The following AARS1 variants were observed in gnomAD, a reference collection of about 807,000 sequenced individuals.
AARS1 encodes alanyl-tRNA synthetase 1, also known as alanine--tRNA ligase, cytoplasmic.
AARS1 carries 72 observed loss-of-function variants against 108.9 expected under a neutral mutation model. That is an observed-to-expected ratio of 0.66 (90% confidence interval 0.55 to 0.80). AARS1 has a LOEUF of 0.80. Ranked by LOEUF, AARS1 falls within the 30% of genes least tolerant of loss-of-function variation. The probability of loss-of-function intolerance (pLI) is 0.00; values close to 1 mark genes in which losing one functional copy is unlikely to be tolerated. For synonymous variants in AARS1, 489 were observed against 465.7 expected (o/e 1.05, Z -0.64); for missense variants, 1,193 against 1,233.2 (o/e 0.97, Z 0.49).
In AARS1 at chr16:70,264,468, C is replaced by T. The variant is rs146173811; in HGVS notation, c.1492+490G>A. Among the ~76,000 whole-genome samples the T allele has an allele frequency of 1.0e-3, 156 of 151,986 alleles. 5 individuals are homozygous for T. The East Asian group carries it at 0.023, about 23-fold the overall frequency. On this transcript the variant is annotated intron_variant, in intron 11 of 20. Transcript: ENST00000261772. ...AGTAGCTGGGATTACAGGGGCACGC[C>T]ACCACGCCCGGCTAATTTCCGTATT...
chr16:70,262,784 C>T (rs900879491), intron 11 of AARS1, among the ~76,000 whole-genome samples: 15 of 151,740 alleles, frequency 9.9e-5, no homozygotes, highest in East Asian at 1.9e-4. Context: ...CTGGCTAACA[C>T]GCTGAAACCC....
chr16:70,255,579 G>C, intron 16 of AARS1, 149 bp downstream of exon 16: 1 of 723,270 alleles, frequency 1.4e-6, no homozygotes, highest in Non-Finnish European at 2.5e-6. Context: ...GCCACTCAGG[G>C]GTAGGACACT....
At chr16:70,259,795 G>C (rs1018415619) in intron 13 of AARS1, among the ~76,000 whole-genome samples, 2 of 150,700 alleles carry the variant, frequency 1.3e-5, no homozygotes, top group Non-Finnish European at 2.9e-5. Flanking sequence ...TTTTTTATAA[G>C]GAGTTTCGCT....
intron 1 of AARS1, 51 bp from the exon 2 acceptor site, chr16:70,282,835 G>A (rs988697607): frequency 1.9e-6 from 3 of 1,569,838 alleles, no homozygotes; most frequent in Non-Finnish European, 2.6e-6. Context: ...GAAAGTCAAA[G>A]TACACATTAC....
chr16:70,261,357 A>G, intron 12 of AARS1, 200 bp from the exon 13 acceptor site: 1 of 444,912 alleles, frequency 2.2e-6, no homozygotes, highest in Non-Finnish European at 4.3e-6. Flanking sequence ...GCACTTTGGG[A>G]GGCTCAGGTG....
chr16:70,273,476 GA>G (rs761659616), intron 4 of AARS1, among the ~76,000 whole-genome samples: 1 of 152,170 alleles, frequency 6.6e-6, no homozygotes, highest in Non-Finnish European at 1.5e-5. Flanking sequence ...CCAGCAATTT[GA>G]AAGGTCAAGG....
rs80257731 is a variant in AARS1 at position 70,265,022 on chromosome 16, C to G, written c.1428G>C (p.Arg476=). 619 of 1,614,152 alleles carry G rather than the reference C, an allele frequency of 3.8e-4. 1 individual carries two copies. Among genetic ancestry groups the G allele is most frequent in the Middle Eastern group, 2.0e-3 (12 of 6,060 alleles). The change falls in exon 11 of 21, where the codon CGG becomes CGC. Residue 476 remains arginine (R), a synonymous_variant. Transcript: ENST00000261772. ...DIYAIEELRA[R]GLEVTDDSPK... The stretch of plus-strand genomic sequence containing the variant: ...GGGAATCATCTGTGACCTCCAGACC[C>G]CGTGCCCGGAGCTCTTCGATAGCGT...
chr16:70,276,623 T>A lies in AARS1; in HGVS notation c.342A>T (p.Ala114=). 1.9e-6 allele frequency: 3 copies of A among 1,613,990 alleles called. No individual in the cohort carries two copies. In the African/African-American group the frequency reaches 4.0e-5, roughly 22 times the overall value. ...WSFGDYFKEL[A]CKMALELLTQ... is the part of the protein sequence containing the mutation. ...TGAGGAGTTCCAGAGCCATCTTACA[T>A]GCCAATTCCTACAAAAAGAACAGAG... The change falls in exon 4 of 21, where the codon GCA becomes GCT. Residue 114 remains alanine (A), a synonymous_variant. Coordinates refer to ENST00000261772, the MANE Select transcript of AARS1 (RefSeq NM_001605.3).
chr16:70,271,090 G>A (rs534292701), intron 5 of AARS1, among the ~76,000 whole-genome samples: 28 of 152,062 alleles, frequency 1.8e-4, no homozygotes, highest in Non-Finnish European at 3.4e-4. Flanking sequence ...CAGGAGAATC[G>A]CTTGAACCCA....
At chr16:70,275,405 G>T (rs1205730515) in intron 4 of AARS1, among the ~76,000 whole-genome samples, 1 of 151,726 alleles carries the variant, frequency 6.6e-6, no homozygotes, top group African/African-American at 2.4e-5. Flanking sequence ...CACGAGGTCA[G>T]GAGATCGAGA....
In AARS1 at chr16:70,264,958, C is replaced by A. The variant is rs1960227997; in HGVS notation, c.1492G>T (p.Val498Leu). The change falls in exon 11 of 21, where the codon GTA becomes TTA. Residue 498 changes from valine (V) to leucine (L), a missense_variant and splice_region_variant. By Grantham distance (32) the Val-to-Leu change is conservative (BLOSUM62 1). Coordinates refer to ENST00000261772, the MANE Select transcript of AARS1 (RefSeq NM_001605.3). ...ATGTGGAAGGAGCACAGCAACATAC[C>A]ATAGCTACCACTGGAGTCCAAATGG... ...NYHLDSSGSYVFENTVATVMA... is the reference protein window; with the variant it reads ...NYHLDSSGSYLFENTVATVMA... 6.2e-7 allele frequency: 1 copy of A among 1,614,070 alleles called. No individual in the cohort carries two copies. Among genetic ancestry groups the A allele is most frequent in the Non-Finnish European group, 8.5e-7 (1 of 1,180,014 alleles).
intron 1 of AARS1, among the ~76,000 whole-genome samples, chr16:70,288,370 A>C (rs1454776868): frequency 6.6e-6 from 1 of 151,036 alleles, no homozygotes; most frequent in Non-Finnish European, 1.5e-5. Context: ...CGGCCTCCCC[A>C]AGTGCTGGGA....
intron 5 of AARS1, 117 bp from the exon 6 acceptor site, chr16:70,270,457 T>A: frequency 1.5e-6 from 2 of 1,339,732 alleles, no homozygotes; most frequent in Non-Finnish European, 2.1e-6. Flanking sequence ...ATCTGCCATT[T>A]GCCCGGTTTG....
intron 2 of AARS1, among the ~76,000 whole-genome samples, chr16:70,278,513 C>A (rs1364871553): frequency 6.7e-6 from 1 of 148,730 alleles, no homozygotes; most frequent in Non-Finnish European, 1.5e-5. Context: ...TGCAGTGAGC[C>A]AAGATCGTGC....
chr16:70,269,891 C>T, intron 6 of AARS1, 128 bp from the exon 7 acceptor site: 1 of 1,277,796 alleles, frequency 7.8e-7, no homozygotes, highest in Non-Finnish European at 1.1e-6. Context: ...ATCCTATAAC[C>T]CCAAGAACGT....
chr16:70,255,249 GAAC>G (rs2152151363), intron 16 of AARS1, among the ~76,000 whole-genome samples: 1 of 143,194 alleles, frequency 7.0e-6, no homozygotes, highest in African/African-American at 2.8e-5. Context: ...ACCCAAGCTG[GAAC>G]GCAGTGGTGC....
At chr16:70,254,151 G>A in intron 17 of AARS1, 113 bp from the exon 18 acceptor site, 1 of 1,457,760 alleles carries the variant, frequency 6.9e-7, no homozygotes, top group Non-Finnish European at 9.5e-7. Context: ...GGAAAGGAAA[G>A]CAAGGAAAGC....
At position 70,269,583 on chromosome 16, in the gene AARS1, C is replaced by T. The variant is rs758058367; in HGVS notation, c.962+35G>A. ...GAGTCACACATAGCACACGTGGTGC[C>T]GCTCCAAACACCACCCAGTGTGCAG... On this transcript the variant is annotated intron_variant, in intron 7 of 20. Transcript: ENST00000261772. 18 of 1,611,864 alleles carry T rather than the reference C, an allele frequency of 1.1e-5. No homozygotes were observed. The South Asian group carries it at 1.6e-4, about 15-fold the overall frequency.
chr16:70,270,147 G>T (rs773667200), intron 6 of AARS1, 49 bp downstream of exon 6: 2 of 1,609,346 alleles, frequency 1.2e-6, no homozygotes, highest in South Asian at 2.2e-5. Context: ...TAAGAGTACA[G>T]CCTGGAAAAC....
Sources: allele counts gnomAD v4.1 joint callset (sites outside exome capture counted in the v4.1 genomes callset), GRCh38; gene constraint gnomAD v4.1.1; transcripts MANE v1.5; gene names NCBI Gene and HGNC (gene_info 2026-07-23, HGNC 2026-07-21).